Variants in ESR1 observed in about 807,000 individuals in gnomAD.
ESR1 encodes estrogen receptor 1, also known as estrogen receptor.
Under a neutral mutation model 52.7 loss-of-function variants are expected in ESR1, and 12 were observed. That is an observed-to-expected ratio of 0.23 (90% CI 0.15 to 0.37). The LOEUF (loss-of-function observed/expected upper bound fraction) is 0.37. ESR1 is among the 10% of genes least tolerant of loss of function. The pLI, the probability that ESR1 is intolerant of heterozygous loss-of-function variation, is 1.00. For synonymous variants in ESR1, 305 were observed against 316.8 expected, an observed-to-expected ratio of 0.96 and a Z score of 0.39; for missense variants, 584 against 779.7, an observed-to-expected ratio of 0.75 and a Z score of 2.99.
intron 4 of ESR1, among the ~76,000 whole-genome samples, chr6:152,006,357 T>C (rs1469542644): frequency 2.0e-5 from 3 of 151,982 alleles, no homozygotes; most frequent in African/African-American, 7.2e-5. Flanking sequence ...CTTTAATGAG[T>C]CTGCATATAA....
intron 2 of ESR1, among the ~76,000 whole-genome samples, chr6:151,733,459 C>T (rs1016527345): frequency 5.9e-5 from 9 of 152,208 alleles, no homozygotes; most frequent in African/African-American, 2.2e-4. Flanking sequence ...TGCCCTATAA[C>T]TATCATCATT....
rs370182200 is a variant in ESR1 at position 152,006,237 on chromosome 6, T to G, written c.1097-5419T>G. Among the ~76,000 whole-genome samples, 967 of 152,162 alleles carry G rather than the reference T, an allele frequency of 6.4e-3. 8 individuals are homozygous for G. The highest frequency in any genetic ancestry group is 0.022 in the African/African-American group (919 of 41,544). ...AACAGTAGTACATATTTGGTAAGAG[T>G]TGTTTGTGACATTCTTTATTTAAAT... is the stretch of plus-strand genomic sequence containing the variant. On this transcript the variant is annotated intron_variant, in intron 4 of 7. Transcript: ENST00000206249.
At position 151,955,242 on chromosome 6, in the gene ESR1, A is replaced by C. The variant is rs546331283; in HGVS notation, c.1096+10734A>C. On this transcript the variant is annotated intron_variant, in intron 4 of 7. Coordinates refer to ENST00000206249, the MANE Select transcript of ESR1 (RefSeq NM_000125.4). The stretch of plus-strand genomic sequence containing the variant: ...GATTTGCTTTGCCTTGATTACTCTT[A>C]ATAAACTAAACTTAACATACCATAG... Among the ~76,000 whole-genome samples the C allele has an allele frequency of 2.0e-5, 3 of 152,314 alleles. No individual in the cohort carries two copies. The East Asian group carries it at 5.8e-4, about 29-fold the overall frequency.
chr6:152,071,844 C>T (rs1256524622), intron 6 of ESR1, among the ~76,000 whole-genome samples: 1 of 152,126 alleles, frequency 6.6e-6, no homozygotes, highest in East Asian at 1.9e-4. Flanking sequence ...ATCTTTTGCT[C>T]ACTTTTCATT....
At chr6:151,899,022 CG>C (rs1221710821) in intron 3 of ESR1, among the ~76,000 whole-genome samples, 2 of 133,298 alleles carry the variant, frequency 1.5e-5, no homozygotes, top group Non-Finnish European at 3.4e-5. Context: ...GCTGGCCGGG[CG>C]GGGGGCTGAA....
At chr6:151,932,013 C>T (rs1481247880) in intron 3 of ESR1, among the ~76,000 whole-genome samples, 5 of 149,338 alleles carry the variant, frequency 3.3e-5, no homozygotes, top group African/African-American at 9.9e-5. Context: ...TTCTAGATCC[C>T]TGAGGAATCG....
At chr6:151,698,506 G>A (rs1194975497) in intron 1 of ESR1, among the ~76,000 whole-genome samples, 1 of 152,138 alleles carries the variant, frequency 6.6e-6, no homozygotes. Context: ...GGAAAACTGT[G>A]ATCTCTCCTG....
chr6:152,036,020 A>G (rs1168998929), intron 5 of ESR1, among the ~76,000 whole-genome samples: 1 of 152,230 alleles, frequency 6.6e-6, no homozygotes, highest in Non-Finnish European at 1.5e-5. Flanking sequence ...CACCAAAAGT[A>G]CTAACCATAA....
At chr6:152,025,589 C>A (rs999280983) in intron 5 of ESR1, among the ~76,000 whole-genome samples, 1 of 151,652 alleles carries the variant, frequency 6.6e-6, no homozygotes, top group African/African-American at 2.4e-5. Context: ...TTACTTTGAC[C>A]GTATAATTTA....
At chr6:152,050,008 G>A (rs950967857) in intron 5 of ESR1, among the ~76,000 whole-genome samples, 19 of 152,016 alleles carry the variant, frequency 1.2e-4, no homozygotes, top group African/African-American at 4.6e-4. Context: ...TTTTGCTTTT[G>A]TCCCCCCATT....
chr6:152,027,342 C>CT (rs34220449), intron 5 of ESR1, among the ~76,000 whole-genome samples: 66,734 of 151,846 alleles, frequency 0.44, 16,584 homozygotes, highest in African/African-American at 0.67. Flanking sequence ...TCTTTAGCCC[C>CT]AACCCCATTT....
At position 151,934,628 on chromosome 6, in the gene ESR1, C is replaced by A. The variant is rs566281243; in HGVS notation, c.761-9545C>A. Among the ~76,000 whole-genome samples, 6 of 152,236 alleles carry A rather than the reference C, an allele frequency of 3.9e-5. No individual in the cohort carries two copies. The East Asian group carries it at 1.2e-3, about 29-fold the overall frequency. On this transcript the variant is annotated intron_variant, in intron 3 of 7. Transcript: ENST00000206249. ...TTTTGGTAGGAGACAGCAGTTTTAG[C>A]CTGTCCGCTCCATGTGCAGAATAAT...
rs1223125432 is a variant in ESR1 at position 151,955,869 on chromosome 6, C to T, written c.1096+11361C>T. Among the ~76,000 whole-genome samples, 13 of 151,906 alleles carry T rather than the reference C, an allele frequency of 8.6e-5. No individual in the cohort carries two copies. The East Asian group carries it at 2.5e-3, about 29-fold the overall frequency. ...ACAGTATTTTTTTTTCCGAACCTCT[C>T]CTCCTCTCACCCTCCCTCACGTAGG... On this transcript the variant is annotated intron_variant, in intron 4 of 7. Coordinates refer to ENST00000206249, the MANE Select transcript of ESR1 (RefSeq NM_000125.4).
At chr6:151,755,921 G>A (rs1353741111) in intron 2 of ESR1, among the ~76,000 whole-genome samples, 2 of 151,690 alleles carry the variant, frequency 1.3e-5, no homozygotes, top group South Asian at 4.2e-4. Flanking sequence ...GTGAGCCACC[G>A]CGCCCAGCCA....
chr6:151,667,319 AG>A (rs975671405), intron 1 of ESR1, among the ~76,000 whole-genome samples: 6 of 152,310 alleles, frequency 3.9e-5, no homozygotes, highest in African/African-American at 1.2e-4. Context: ...GCAGGACTAT[AG>A]GGTCTTATCT....
chr6:151,944,255 G>A lies in ESR1; in HGVS notation c.843G>A (p.Gly281=), dbSNP rs778524912. The change falls in exon 4 of 8, where the codon GGG becomes GGA. Residue 281 remains glycine (G), a synonymous_variant. Coordinates refer to ENST00000206249, the MANE Select transcript of ESR1 (RefSeq NM_000125.4). ...RDDGEGRGEV[G]SAGDMRAANL... is the part of the protein sequence containing the mutation. ...ATGGGGAGGGCAGGGGTGAAGTGGG[G>A]TCTGCTGGAGACATGAGAGCTGCCA... is the stretch of plus-strand genomic sequence containing the variant. The A allele has an allele frequency of 6.2e-7, 1 of 1,614,180 alleles. No homozygotes were observed. Among genetic ancestry groups the A allele is most frequent in the African/African-American group, 1.3e-5 (1 of 75,048 alleles).
intron 1 of ESR1, among the ~76,000 whole-genome samples, chr6:151,670,762 G>GTTTTTTTT (rs35606990): frequency 2.4e-4 from 21 of 85,766 alleles, no homozygotes; most frequent in Non-Finnish European, 3.4e-4. Flanking sequence ...TTTTGTTTTC[G>GTTTTTTTT]TTTTTTTTTT....
chr6:151,820,290 T>C (rs1351071365), intron 1 of ESR1, among the ~76,000 whole-genome samples: 2 of 152,182 alleles, frequency 1.3e-5, no homozygotes, highest in Non-Finnish European at 2.9e-5. Context: ...CTTACTAACT[T>C]ATAGAGCTGA....
intron 2 of ESR1, among the ~76,000 whole-genome samples, chr6:151,796,438 A>G (rs1002056173): frequency 6.6e-6 from 1 of 152,330 alleles, no homozygotes; most frequent in South Asian, 2.1e-4. Flanking sequence ...GGTTGCAGGC[A>G]GAGGTGAAAG....
Sources: allele counts gnomAD v4.1 joint callset (sites outside exome capture counted in the v4.1 genomes callset), GRCh38; gene constraint gnomAD v4.1.1; transcripts MANE v1.5; gene names NCBI Gene and HGNC (gene_info 2026-07-23, HGNC 2026-07-21).